Variants in FGD4 observed in about 807,000 individuals in gnomAD.
FGD4 encodes the protein FYVE, RhoGEF and PH domain-containing protein 4.
A neutral mutation model predicts 102.0 loss-of-function variants in FGD4; 42 were observed. That is an observed-to-expected ratio of 0.41 (90% confidence interval 0.32 to 0.53). The LOEUF is 0.53. FGD4 is among the 20% of genes least tolerant of loss of function. The probability of loss-of-function intolerance (pLI) is 0.21; values close to 1 mark genes in which losing one functional copy is unlikely to be tolerated. For synonymous variants in FGD4, 380 were observed against 375.7 expected (o/e 1.01, Z -0.13); for missense variants, 902 against 1,078.2 (o/e 0.84, Z 2.29).
At chr12:32,610,933 G>T (rs1949097156) in intron 9 of FGD4, 99 bp downstream of exon 9, 9 of 1,363,560 alleles carry the variant, frequency 6.6e-6, no homozygotes, top group Non-Finnish European at 9.4e-6. Context: ...AATTGAAATA[G>T]ATGAGCCAAA....
intron 1 of FGD4, among the ~76,000 whole-genome samples, chr12:32,545,514 A>C (rs1016414714): frequency 6.6e-6 from 1 of 152,194 alleles, no homozygotes; most frequent in Non-Finnish European, 1.5e-5. Context: ...CAACTACTCA[A>C]CTCTACTAAC....
intron 1 of FGD4, among the ~76,000 whole-genome samples, chr12:32,450,812 C>T (rs76827121): frequency 0.038 from 5,790 of 152,320 alleles, 171 homozygotes; most frequent in South Asian, 0.12. Flanking sequence ...CCAGTTTTCT[C>T]CCTTGCCCCA....
intron 1 of FGD4, among the ~76,000 whole-genome samples, chr12:32,508,977 T>G (rs1447791029): frequency 2.0e-5 from 3 of 152,260 alleles, no homozygotes; most frequent in Non-Finnish European, 4.4e-5. Flanking sequence ...TAGTTCACTT[T>G]GAAGCAAGTT....
intron 2 of FGD4, among the ~76,000 whole-genome samples, chr12:32,566,938 A>G (rs1049812762): frequency 2.6e-5 from 4 of 152,196 alleles, no homozygotes; most frequent in African/African-American, 9.7e-5. Context: ...GAGCAGGGGA[A>G]AGCAGAAAGA....
chr12:32,521,213 C>T (rs1219620750), intron 1 of FGD4, among the ~76,000 whole-genome samples: 2 of 151,792 alleles, frequency 1.3e-5, no homozygotes, highest in African/African-American at 4.8e-5. Context: ...GTGGCAAAAC[C>T]CTGTCTCTAC....
At chr12:32,455,217 A>T (rs1242881646) in intron 1 of FGD4, among the ~76,000 whole-genome samples, 1 of 152,188 alleles carries the variant, frequency 6.6e-6, no homozygotes, top group East Asian at 1.9e-4. Flanking sequence ...TAGCAGCAAC[A>T]GTTGATTGCA....
chr12:32,484,983 C>G (rs973312055), intron 1 of FGD4, among the ~76,000 whole-genome samples: 4 of 152,206 alleles, frequency 2.6e-5, no homozygotes, highest in Non-Finnish European at 5.9e-5. Context: ...CACTATGTAA[C>G]GTCAACCTTC....
intron 1 of FGD4, among the ~76,000 whole-genome samples, chr12:32,510,205 GGAA>G (rs1939215431): frequency 6.6e-6 from 1 of 152,222 alleles, no homozygotes; most frequent in African/African-American, 2.4e-5. Context: ...AGTGGGAATG[GGAA>G]GAAGTGGGAA....
chr12:32,432,517 GA>G (rs1942083903), intron 1 of FGD4, among the ~76,000 whole-genome samples: 1 of 151,374 alleles, frequency 6.6e-6, no homozygotes, highest in Admixed American at 6.6e-5. Context: ...TCAGGAGGCT[GA>G]GATTGAACCC....
At chr12:32,471,262 G>A (rs1943408663) in intron 1 of FGD4, among the ~76,000 whole-genome samples, 1 of 152,106 alleles carries the variant, frequency 6.6e-6, no homozygotes, top group African/African-American at 2.4e-5. Flanking sequence ...CCTCCAGCTT[G>A]CAGATGGCCA....
chr12:32,422,287 GCTTTTTTT>G (rs1183083242), intron 1 of FGD4, among the ~76,000 whole-genome samples: 16 of 91,678 alleles, frequency 1.7e-4, no homozygotes, highest in African/African-American at 6.0e-4. Flanking sequence ...ATTGGGAGCT[GCTTTTTTT>G]TTTTTTTTTT....
At chr12:32,410,201 G>A (rs946865231) in intron 1 of FGD4, among the ~76,000 whole-genome samples, 6 of 151,982 alleles carry the variant, frequency 3.9e-5, no homozygotes, top group Admixed American at 2.0e-4. Context: ...GGTGGCGGGC[G>A]CCTGCAGTCC....
chr12:32,571,826 GTGGC>G (rs1424896835), intron 2 of FGD4, among the ~76,000 whole-genome samples: 7 of 152,138 alleles, frequency 4.6e-5, no homozygotes, highest in African/African-American at 1.7e-4. Flanking sequence ...GCAATTCAGT[GTGGC>G]TGGAATCTAG....
rs574996400 is a variant in FGD4, at chr12:32,530,173, A to T, written c.167-33964A>T. On this transcript the variant is annotated intron_variant, in intron 1 of 16. Coordinates refer to ENST00000534526, the MANE Select transcript of FGD4 (RefSeq NM_001370298.3). ...CTTTTATTTTAAAATTTAATATAATAAAAAACATTATTATGAAATATCATG... is the reference window on the plus strand; with the variant it reads ...CTTTTATTTTAAAATTTAATATAATTAAAAACATTATTATGAAATATCATG... Among the ~76,000 whole-genome samples the T allele has an allele frequency of 1.9e-4, 29 of 152,196 alleles. No homozygotes were observed. The East Asian group carries it at 4.6e-3, about 24-fold the overall frequency.
At chr12:32,541,966 A>G (rs564234524) in intron 1 of FGD4, among the ~76,000 whole-genome samples, 10 of 152,032 alleles carry the variant, frequency 6.6e-5, no homozygotes, top group African/African-American at 2.4e-4. Context: ...CTCAGGGAAA[A>G]AAAAAAATGT....
intron 1 of FGD4, among the ~76,000 whole-genome samples, chr12:32,410,650 AAAC>A (rs2136394433): frequency 6.6e-6 from 1 of 152,282 alleles, no homozygotes; most frequent in South Asian, 2.1e-4. Flanking sequence ...AATAGAGTGA[AAAC>A]AAACCCAGTT....
chr12:32,424,448 A>G (rs1941759299), intron 1 of FGD4, among the ~76,000 whole-genome samples: 1 of 151,832 alleles, frequency 6.6e-6, no homozygotes, highest in South Asian at 2.1e-4. Context: ...TATGTGTCAC[A>G]TTTTCTTTAT....
intron 1 of FGD4, among the ~76,000 whole-genome samples, chr12:32,415,612 C>T (rs1017208227): frequency 2.0e-5 from 3 of 151,850 alleles, no homozygotes; most frequent in Non-Finnish European, 4.4e-5. Flanking sequence ...TTAGTAGAGA[C>T]GGGTTTCACC....
At chr12:32,511,702 C>T (rs1939393809) in intron 1 of FGD4, 1 of 152,124 alleles carries the variant, frequency 6.6e-6, no homozygotes. Flanking sequence ...ATTTAACTCA[C>T]ACATTAAAAT....
Sources: gnomAD v4.1 joint callset for allele counts (sites outside exome capture counted in the v4.1 genomes callset) on GRCh38, gnomAD v4.1.1 for gene constraint, MANE v1.5 for transcripts, NCBI Gene and HGNC (gene_info 2026-07-23, HGNC 2026-07-21) for gene names.